The following UNC5D variants were observed in gnomAD, a reference collection of about 807,000 sequenced individuals.
UNC5D encodes the protein netrin receptor UNC5D.
Under a neutral mutation model 105.4 loss-of-function variants are expected in UNC5D, and 39 were observed. That is an observed-to-expected ratio of 0.37 (90% confidence interval 0.29 to 0.48). The LOEUF is 0.48. UNC5D is among the 20% of genes least tolerant of loss of function. The probability of loss-of-function intolerance (pLI) is 0.98; values close to 1 mark genes in which losing one functional copy is unlikely to be tolerated. For missense variants in UNC5D, 991 were observed against 1,202.4 expected (o/e 0.82, Z 2.60); for synonymous variants, 452 against 450.4 (o/e 1.00, Z -0.04).
intron 1 of UNC5D, among the ~76,000 whole-genome samples, chr8:35,388,971 A>G (rs573971404): frequency 6.6e-6 from 1 of 152,298 alleles, no homozygotes; most frequent in Middle Eastern, 3.4e-3. Context: ...ATTTTTTTCA[A>G]TGTTCATTGA....
intron 1 of UNC5D, among the ~76,000 whole-genome samples, chr8:35,279,388 C>A (rs1428339371): frequency 2.0e-5 from 3 of 152,194 alleles, no homozygotes; most frequent in Non-Finnish European, 4.4e-5. Context: ...TAGGAACCAG[C>A]TGTTTCTGAG....
chr8:35,644,965 T>C (rs1822958622), intron 4 of UNC5D, among the ~76,000 whole-genome samples: 2 of 152,314 alleles, frequency 1.3e-5, no homozygotes, highest in South Asian at 4.1e-4. Context: ...CTAGGGACTC[T>C]AAATAAAGGT....
At chr8:35,567,942 T>C (rs1817467219) in intron 2 of UNC5D, among the ~76,000 whole-genome samples, 156 bp from the exon 3 acceptor site, 1 of 152,246 alleles carries the variant, frequency 6.6e-6, no homozygotes, top group Admixed American at 6.5e-5. Flanking sequence ...TGAAATTTAA[T>C]TAGCAGTAAT....
At chr8:35,657,068 GTGTGTGTGTGTGTATATATATATATATA>G (rs1823786409) in intron 4 of UNC5D, among the ~76,000 whole-genome samples, 1 of 100,758 alleles carries the variant, frequency 9.9e-6, no homozygotes, top group Admixed American at 1.0e-4. Context: ...GTGTGTGTGT[GTGTGTGTGTGTGTATATATATATATATA>G]TATATATATA....
intron 3 of UNC5D, among the ~76,000 whole-genome samples, chr8:35,592,614 C>T (rs1195095060): frequency 6.6e-6 from 1 of 152,120 alleles, no homozygotes; most frequent in Non-Finnish European, 1.5e-5. Context: ...TAAGTTTACC[C>T]TCCTTAGGAT....
intron 1 of UNC5D, chr8:35,544,359 C>T: frequency 1.3e-6 from 2 of 1,580,284 alleles, no homozygotes; most frequent in African/African-American, 1.4e-5. Flanking sequence ...GGAACGTTTT[C>T]TGCCACAAAT....
chr8:35,553,195 A>G (rs917924349), intron 2 of UNC5D, among the ~76,000 whole-genome samples: 10 of 152,186 alleles, frequency 6.6e-5, no homozygotes, highest in Admixed American at 2.6e-4. Flanking sequence ...TTGCAAGCCA[A>G]TTCAACAGTG....
intron 1 of UNC5D, among the ~76,000 whole-genome samples, chr8:35,354,657 G>A (rs1801447734): frequency 2.6e-5 from 4 of 152,038 alleles, no homozygotes; most frequent in Admixed American, 2.6e-4. Context: ...AAAGTGGCCT[G>A]GTTTTCTTAG....
At chr8:35,403,056 C>T (rs955843661) in intron 1 of UNC5D, among the ~76,000 whole-genome samples, 3 of 152,210 alleles carry the variant, frequency 2.0e-5, no homozygotes, top group Non-Finnish European at 4.4e-5. Flanking sequence ...TCAGGGAATA[C>T]ATGAGCTAAC....
At chr8:35,265,061 A>G (rs1420422707) in intron 1 of UNC5D, among the ~76,000 whole-genome samples, 2 of 152,178 alleles carry the variant, frequency 1.3e-5, no homozygotes, top group African/African-American at 2.4e-5. Flanking sequence ...CTCAGTGCAT[A>G]CTCTCTATCT....
At chr8:35,789,378 G>A (rs929394379) in intron 16 of UNC5D, among the ~76,000 whole-genome samples, 2 of 151,192 alleles carry the variant, frequency 1.3e-5, no homozygotes, top group Non-Finnish European at 1.5e-5. Context: ...AAGTGACAGA[G>A]TATAAATTAG....
At chr8:35,623,513 C>T (rs988147910) in intron 4 of UNC5D, among the ~76,000 whole-genome samples, 6 of 152,064 alleles carry the variant, frequency 3.9e-5, no homozygotes, top group Non-Finnish European at 7.3e-5. Context: ...TTATTGCAGC[C>T]GCACAGAAGA....
intron 8 of UNC5D, among the ~76,000 whole-genome samples, chr8:35,707,993 T>C (rs1218414764): frequency 6.6e-6 from 1 of 152,164 alleles, no homozygotes; most frequent in Non-Finnish European, 1.5e-5. Flanking sequence ...GCTGCATGGT[T>C]AGGAGTGCAT....
intron 3 of UNC5D, among the ~76,000 whole-genome samples, chr8:35,570,081 T>C (rs980591185): frequency 6.6e-6 from 1 of 152,236 alleles, no homozygotes; most frequent in East Asian, 1.9e-4. Context: ...TTGTTTTTGC[T>C]TACAAAATGT....
At chr8:35,715,092 G>A (rs193180680) in intron 8 of UNC5D, among the ~76,000 whole-genome samples, 43 of 152,238 alleles carry the variant, frequency 2.8e-4, no homozygotes, top group Non-Finnish European at 4.3e-4. Flanking sequence ...TGGAAGTTGC[G>A]GTGTGCCAAG....
intron 2 of UNC5D, among the ~76,000 whole-genome samples, chr8:35,556,240 A>T (rs902871451): frequency 7.2e-5 from 11 of 152,216 alleles, no homozygotes; most frequent in Non-Finnish European, 1.3e-4. Context: ...TGTATGGTGA[A>T]TATGATTCAA....
chr8:35,313,261 CTT>C (rs1485750721), intron 1 of UNC5D, among the ~76,000 whole-genome samples: 1 of 152,074 alleles, frequency 6.6e-6, no homozygotes. Context: ...TCATGGAAAA[CTT>C]TTCTTTAGTC....
At chr8:35,669,504 T>A (rs2131268281) in intron 4 of UNC5D, among the ~76,000 whole-genome samples, 1 of 152,166 alleles carries the variant, frequency 6.6e-6, no homozygotes, top group Non-Finnish European at 1.5e-5. Context: ...CAAATTTCTA[T>A]CCATCCTATT....
At chr8:35,519,432 A>G (rs1403674019) in intron 1 of UNC5D, among the ~76,000 whole-genome samples, 3 of 152,100 alleles carry the variant, frequency 2.0e-5, no homozygotes, top group Non-Finnish European at 4.4e-5. Context: ...AGCAGTACCG[A>G]GTAGCTGGTT....
Sources: allele counts gnomAD v4.1 joint callset (sites outside exome capture counted in the v4.1 genomes callset), GRCh38; gene constraint gnomAD v4.1.1; transcripts MANE v1.5; gene names NCBI Gene and HGNC (gene_info 2026-07-23, HGNC 2026-07-21).